Variants in KDM6A observed in about 807,000 individuals in gnomAD.
The protein encoded by KDM6A is lysine-specific demethylase 6A.
KDM6A carries 11 observed loss-of-function variants against 117.6 expected under a neutral mutation model. The ratio of observed to expected loss-of-function variants is 0.09; its 90% CI spans 0.06 to 0.15. KDM6A has a LOEUF of 0.15. KDM6A is among the 10% of genes least tolerant of loss of function. The probability of loss-of-function intolerance (pLI) is 1.00; values close to 1 mark genes in which losing one functional copy is unlikely to be tolerated. For synonymous variants in KDM6A, 384 were observed against 396.1 expected (o/e 0.97, Z 0.36); for missense variants, 799 against 1,077.3 (o/e 0.74, Z 3.62).
intron 2 of KDM6A, among the ~76,000 whole-genome samples, chrX:44,887,110 G>A (rs1476246649): frequency 9.2e-6 from 1 of 108,656 alleles, no homozygotes; most frequent in Admixed American, 1.0e-4. Flanking sequence ...GGTAGAGATG[G>A]GGTTTTATCA....
At chrX:45,111,100 T>C (rs752365065) in intron 29 of KDM6A, among the ~76,000 whole-genome samples, 13 of 111,677 alleles carry the variant, frequency 1.2e-4, no homozygotes, top group African/African-American at 3.9e-4. Context: ...TTTTAAGCAA[T>C]CTTAAAAAAT....
At chrX:44,928,972 C>A (rs1447019470) in intron 2 of KDM6A, among the ~76,000 whole-genome samples, 2 of 111,289 alleles carry the variant, frequency 1.8e-5, no homozygotes, top group African/African-American at 6.5e-5. Context: ...CGCTCTGTCA[C>A]CAGGCTGGAG....
chrX:44,928,323 A>T (rs769910419), intron 2 of KDM6A, among the ~76,000 whole-genome samples: 2 of 111,889 alleles, frequency 1.8e-5, no homozygotes. Flanking sequence ...GTGTGTGCAC[A>T]CATGTGGCAA....
At chrX:45,043,420 T>G (rs2043378702) in intron 8 of KDM6A, among the ~76,000 whole-genome samples, 2 of 112,194 alleles carry the variant, frequency 1.8e-5, no homozygotes, top group Non-Finnish European at 3.8e-5. Flanking sequence ...CCCCTAACCC[T>G]GTATTTTTAT....
At chrX:45,068,390 G>C (rs780496247) in intron 17 of KDM6A, among the ~76,000 whole-genome samples, 102 of 110,342 alleles carry the variant, frequency 9.2e-4, no homozygotes, top group African/African-American at 3.2e-3. Flanking sequence ...TGCCCTAAGT[G>C]ATCTTCCTCT....
chrX:44,888,941 C>T (rs936069290), intron 2 of KDM6A, among the ~76,000 whole-genome samples: 2 of 111,920 alleles, frequency 1.8e-5, no homozygotes, highest in Non-Finnish European at 3.8e-5. Context: ...GAGTAAGGAT[C>T]CTTAGTTTGC....
chrX:45,079,932 A>C (rs1222552741), intron 21 of KDM6A, among the ~76,000 whole-genome samples: 1 of 112,201 alleles, frequency 8.9e-6, no homozygotes, highest in African/African-American at 3.2e-5. Context: ...TGTCTAGTGA[A>C]ATGTCTCATT....
At chrX:44,943,126 T>C (rs1419927449) in intron 2 of KDM6A, among the ~76,000 whole-genome samples, 1 of 111,520 alleles carries the variant, frequency 9.0e-6, no homozygotes, top group Non-Finnish European at 1.9e-5. Context: ...AAACTCTTTT[T>C]GATGTATAAT....
chrX:44,950,201 A>G (rs2037906859), intron 2 of KDM6A, among the ~76,000 whole-genome samples: 1 of 110,277 alleles, frequency 9.1e-6, no homozygotes, highest in African/African-American at 3.3e-5. Flanking sequence ...TTTTTAGTAG[A>G]GATGGGGTTT....
intron 3 of KDM6A, among the ~76,000 whole-genome samples, chrX:44,973,923 A>C (rs1035318322): frequency 8.1e-5 from 9 of 110,876 alleles, no homozygotes; most frequent in African/African-American, 3.0e-4. Flanking sequence ...CTCAATGAAA[A>C]CAATATTTTC....
At chrX:45,022,779 C>T (rs371849906) in intron 6 of KDM6A, among the ~76,000 whole-genome samples, 3 of 111,364 alleles carry the variant, frequency 2.7e-5, no homozygotes, top group African/African-American at 9.8e-5. Context: ...TAGGCTGTAA[C>T]CTCAGGGACT....
In KDM6A at chrX:45,082,635, A is replaced by T; in HGVS notation, c.3360A>T (p.Ser1120=). The T allele has an allele frequency of 1.7e-6, 2 of 1,180,153 alleles. No homozygotes were observed. The highest frequency in any genetic ancestry group is 2.3e-6 in the Non-Finnish European group (2 of 867,382). Residue 1120 remains serine (S), a synonymous_variant, in exon 22 of 30, where the codon TCA becomes TCT. Coordinates refer to ENST00000611820, the MANE Select transcript of KDM6A (RefSeq NM_001291415.2). The stretch of plus-strand genomic sequence containing the variant: ...ACTCAGATAGTGAATCTACATCGTC[A>T]GATAAGTAAGTCATTTTTAATGTCC... ...KDHSDSESTS[S]DNSGRRRKGP...
intron 4 of KDM6A, among the ~76,000 whole-genome samples, chrX:44,988,423 C>T (rs2040372740): frequency 9.0e-6 from 1 of 111,669 alleles, no homozygotes. Context: ...TGAAGTCATT[C>T]TCCATCCAGC....
At chrX:44,986,642 T>G (rs1383482091) in intron 4 of KDM6A, among the ~76,000 whole-genome samples, 10 of 111,807 alleles carry the variant, frequency 8.9e-5, no homozygotes, top group Non-Finnish European at 1.5e-4. Context: ...AAGAACATCT[T>G]TATTTCTGCC....
chrX:45,089,026 C>T (rs2045777000), intron 25 of KDM6A, among the ~76,000 whole-genome samples: 1 of 111,700 alleles, frequency 9.0e-6, no homozygotes, highest in African/African-American at 3.3e-5. Context: ...CTTGTATTGC[C>T]ACAGTGTTCC....
At chrX:45,026,682 AT>A (rs2042378126) in intron 6 of KDM6A, among the ~76,000 whole-genome samples, 1 of 106,844 alleles carries the variant, frequency 9.4e-6, no homozygotes, top group Non-Finnish European at 1.9e-5. Context: ...AAAAAAAAAA[AT>A]TTAGCTGGGC....
In KDM6A at chrX:45,068,811, TCTTTCTCTTTCTCTTTCC is replaced by T. The variant is rs1188906481; in HGVS notation, c.2080-762_2080-745del. On this transcript the variant is annotated intron_variant, in intron 17 of 29. Transcript: ENST00000611820. ...TTCTTTCTCTTTCTCTTTCTCTTTCTCTTTCTCTTTCTCTTTCCCTTTCCCTTTCCCTTTCCCTTTCCC... is the reference window on the plus strand; with the variant it reads ...TTCTTTCTCTTTCTCTTTCTCTTTCTCTTTCCCTTTCCCTTTCCCTTTCCC... 7.7e-3 allele frequency among the ~76,000 whole-genome samples: 788 copies of T among 102,035 alleles called. 15 individuals carry two copies. The highest frequency in any genetic ancestry group is 0.028 in the African/African-American group (757 of 26,574). 88.6% of individuals were successfully genotyped at this position (102,035 alleles called of 115,157 possible).
At chrX:45,008,513 C>G (rs2147565760) in intron 4 of KDM6A, among the ~76,000 whole-genome samples, 1 of 111,891 alleles carries the variant, frequency 8.9e-6, no homozygotes, top group South Asian at 3.8e-4. Context: ...CCCCCACACC[C>G]CCATTGTCTT....
At chrX:45,037,377 A>C (rs747530942) in intron 7 of KDM6A, among the ~76,000 whole-genome samples, 122 of 112,323 alleles carry the variant, frequency 1.1e-3, no homozygotes, top group Middle Eastern at 4.7e-3. Context: ...TTCACTTGCT[A>C]TAGATTTAAT....
Sources: gnomAD v4.1 joint callset for allele counts (sites outside exome capture counted in the v4.1 genomes callset) on GRCh38, gnomAD v4.1.1 for gene constraint, MANE v1.5 for transcripts, NCBI Gene and HGNC (gene_info 2026-07-23, HGNC 2026-07-21) for gene names.